Variants in MYOM1 observed in about 807,000 individuals in gnomAD.
The protein encoded by MYOM1 is myomesin-1.
In MYOM1, 164 loss-of-function variants were observed where a neutral mutation model predicts 205.3. The observed-to-expected ratio is 0.80, with a 90% CI of 0.70 to 0.91. MYOM1 has a LOEUF of 0.91. MYOM1 is among the 40% of genes least tolerant of loss of function. The pLI is 0.00. For missense variants in MYOM1, 2,011 were observed against 2,127.3 expected, an observed-to-expected ratio of 0.95 and a Z score of 1.08; for synonymous variants, 772 against 789.4, an observed-to-expected ratio of 0.98 and a Z score of 0.37.
intron 36 of MYOM1, among the ~76,000 whole-genome samples, chr18:3,073,785 G>C (rs940156593): frequency 6.6e-6 from 1 of 152,234 alleles, no homozygotes; most frequent in Non-Finnish European, 1.5e-5. Context: ...CTTATGCAGG[G>C]GAGGGGCCTG....
intron 9 of MYOM1, among the ~76,000 whole-genome samples, chr18:3,165,213 T>C (rs1415770691): frequency 6.6e-6 from 1 of 152,222 alleles, no homozygotes; most frequent in African/African-American, 2.4e-5. Flanking sequence ...GGGACAATTA[T>C]TCTAAAAAGA....
intron 16 of MYOM1, among the ~76,000 whole-genome samples, chr18:3,132,927 G>A (rs534319671): frequency 4.6e-5 from 7 of 152,128 alleles, no homozygotes; most frequent in African/African-American, 1.4e-4. Context: ...GTCTGCTAAC[G>A]AATCTATGAC....
chr18:3,225,384 T>C, the MYOM1 span, among the ~76,000 whole-genome samples: 1 of 152,344 alleles, frequency 6.6e-6, no homozygotes, highest in Non-Finnish European at 1.5e-5. Flanking sequence ...CTGAACCTTC[T>C]TCCCCTGTTC....
At chr18:3,080,543 A>C (rs896512127) in intron 33 of MYOM1, among the ~76,000 whole-genome samples, 3 of 151,904 alleles carry the variant, frequency 2.0e-5, no homozygotes, top group African/African-American at 4.8e-5. Context: ...GCATGGTGGC[A>C]TGTGCCTGTA....
intron 25 of MYOM1, among the ~76,000 whole-genome samples, chr18:3,098,114 T>A (rs947520131): frequency 6.6e-6 from 1 of 152,164 alleles, no homozygotes; most frequent in African/African-American, 2.4e-5. Context: ...TGTTCGAGAG[T>A]AGAAAGTACA....
chr18:3,080,510 C>A (rs1330801599), intron 33 of MYOM1, among the ~76,000 whole-genome samples: 1 of 151,772 alleles, frequency 6.6e-6, no homozygotes, highest in African/African-American at 2.4e-5. Context: ...CCTGTCTCTA[C>A]TAAAAACACA....
At chr18:3,177,487 T>TA (rs58775622) in intron 5 of MYOM1, among the ~76,000 whole-genome samples, 195 of 127,500 alleles carry the variant, frequency 1.5e-3, no homozygotes, top group African/African-American at 5.4e-3. Context: ...TTATTATTAT[T>TA]TGAGACAGAG....
At position 3,168,986 on chromosome 18, in the gene MYOM1, G is replaced by T. The variant is rs1159986831; in HGVS notation, c.1175-5C>A. ...AACCATATGGGGTCACACCAACTGG[G>T]TACAAAAATAACAAATATCAGTAAT... On this transcript the variant is annotated splice_region_variant and splice_polypyrimidine_tract_variant and intron_variant, in intron 8 of 37. Transcript: ENST00000356443. 1 of 1,598,608 alleles carries T rather than the reference G, an allele frequency of 6.3e-7. No individual in the cohort carries two copies. The highest frequency in any genetic ancestry group is 8.5e-7 in the Non-Finnish European group (1 of 1,173,616).
chr18:3,156,280 C>T (rs1287159433), intron 10 of MYOM1, among the ~76,000 whole-genome samples: 1 of 152,234 alleles, frequency 6.6e-6, no homozygotes, highest in South Asian at 2.1e-4. Context: ...CAAGGGAAAG[C>T]ACCCATGTCG....
At chr18:3,107,002 A>G (rs965597077) in intron 22 of MYOM1, among the ~76,000 whole-genome samples, 3 of 152,232 alleles carry the variant, frequency 2.0e-5, no homozygotes, top group Admixed American at 6.5e-5. Flanking sequence ...AGGCATGAAC[A>G]TTTCTTCAAT....
At chr18:3,107,703 C>T (rs1459230673) in intron 22 of MYOM1, among the ~76,000 whole-genome samples, 8 of 152,176 alleles carry the variant, frequency 5.3e-5, no homozygotes, top group Non-Finnish European at 1.2e-4. Flanking sequence ...AACAAAATTA[C>T]CAATGAAACC....
At chr18:3,157,319 C>CTCAT (rs1354624039) in intron 10 of MYOM1, among the ~76,000 whole-genome samples, 1 of 152,054 alleles carries the variant, frequency 6.6e-6, no homozygotes, top group African/African-American at 2.4e-5. Flanking sequence ...CATTCATTCT[C>CTCAT]TCATTCATTC....
At chr18:3,226,820 AAGGACAACTCCTC>A in the MYOM1 span, among the ~76,000 whole-genome samples, 98 of 152,330 alleles carry the variant, frequency 6.4e-4, 1 homozygote, top group South Asian at 0.012. This position sits in a 1 kb window ranked among gnomAD's most constrained non-coding sequence, Gnocchi z 4.6. Flanking sequence ...AAATGTGGCA[AAGGACAACTCCTC>A]AGGACATAGG....
intron 8 of MYOM1, among the ~76,000 whole-genome samples, chr18:3,169,684 C>G (rs1201352931): frequency 6.6e-6 from 1 of 152,216 alleles, no homozygotes; most frequent in Non-Finnish European, 1.5e-5. Flanking sequence ...AGGAAACCCT[C>G]TTACGCTGTT....
chr18:3,206,327 C>G (rs73937003), intron 2 of MYOM1, among the ~76,000 whole-genome samples: 1,785 of 152,222 alleles, frequency 0.012, 35 homozygotes, highest in African/African-American at 0.041. Context: ...CACATATATG[C>G]GAAATGCTCA....
intron 14 of MYOM1, among the ~76,000 whole-genome samples, chr18:3,140,711 T>C (rs2080035748): frequency 1.3e-5 from 2 of 152,182 alleles, no homozygotes; most frequent in Non-Finnish European, 2.9e-5. Flanking sequence ...GAAGGTGACC[T>C]AATAGGTGTT....
chr18:3,124,083 C>T (rs568337063), intron 19 of MYOM1, among the ~76,000 whole-genome samples: 5 of 151,480 alleles, frequency 3.3e-5, no homozygotes, highest in East Asian at 3.9e-4. Context: ...GTGATCCCCC[C>T]ACCTCGGCCT....
intron 21 of MYOM1, among the ~76,000 whole-genome samples, chr18:3,114,138 G>A (rs1030613363): frequency 1.3e-4 from 20 of 152,262 alleles, no homozygotes; most frequent in African/African-American, 3.4e-4. Context: ...AAACATTTCC[G>A]TGTAATAAAA....
chr18:3,180,108 T>C (rs1598747001), intron 5 of MYOM1, among the ~76,000 whole-genome samples: 1 of 152,240 alleles, frequency 6.6e-6, no homozygotes, highest in East Asian at 1.9e-4. Flanking sequence ...ACCAGCTGGG[T>C]AACATGGCAA....
Sources: gnomAD v4.1 joint callset for allele counts (sites outside exome capture counted in the v4.1 genomes callset) on GRCh38, gnomAD v4.1.1 for gene constraint, Gnocchi (gnomAD v3.1) non-coding constraint, MANE v1.5 for transcripts, NCBI Gene and HGNC (gene_info 2026-07-23, HGNC 2026-07-21) for gene names.